Variants in MYLK3 observed in about 807,000 individuals in gnomAD.
MYLK3 encodes MLC kinase.
A neutral mutation model predicts 76.3 loss-of-function variants in MYLK3; 55 were observed. The observed-to-expected ratio is 0.72, with a 90% confidence interval of 0.58 to 0.90. MYLK3 has a LOEUF of 0.90. MYLK3 is among the 40% of genes least tolerant of loss of function. The probability of loss-of-function intolerance (pLI) is 0.00; values close to 1 mark genes in which losing one functional copy is unlikely to be tolerated. For synonymous variants in MYLK3, 416 were observed against 425.4 expected, an observed-to-expected ratio of 0.98 and a Z score of 0.27; for missense variants, 973 against 1,053.6, an observed-to-expected ratio of 0.92 and a Z score of 1.06.
intron 8 of MYLK3, among the ~76,000 whole-genome samples, chr16:46,724,846 A>C (rs1380894496): frequency 3.3e-5 from 5 of 152,196 alleles, no homozygotes; most frequent in Non-Finnish European, 7.3e-5. Context: ...TATGACTTTG[A>C]TAAGGATTAT....
chr16:46,717,783 A>C (rs922881875), intron 9 of MYLK3, among the ~76,000 whole-genome samples: 10 of 152,204 alleles, frequency 6.6e-5, no homozygotes, highest in Non-Finnish European at 1.2e-4. Flanking sequence ...GCTGGTGCTG[A>C]AGCATTTGCC....
chr16:46,727,061 G>T lies in MYLK3; in HGVS notation c.1914+175C>A. 4.0e-6 allele frequency: 2 copies of T among 497,916 alleles called. 1 individual carries two copies. The highest frequency in any genetic ancestry group is 1.0e-4 in the South Asian group (2 of 19,778). The allele number at this position is 497,916 out of a possible 1,614,324, so 30.8% of individuals were successfully genotyped here. ...AAGAGGTACCATTATCCAGATGGAA[G>T]AACTACAGCCCCAAGAGGCAGCAAG... On this transcript the variant is annotated intron_variant, in intron 8 of 12. Coordinates refer to ENST00000394809, the MANE Select transcript of MYLK3 (RefSeq NM_182493.3).
At chr16:46,743,480 C>T (rs1217999001) in intron 1 of MYLK3, among the ~76,000 whole-genome samples, 1 of 152,174 alleles carries the variant, frequency 6.6e-6, no homozygotes, top group Non-Finnish European at 1.5e-5. Context: ...CCTCAGAACA[C>T]GGAGGGAAGC....
intron 9 of MYLK3, among the ~76,000 whole-genome samples, chr16:46,718,132 T>C (rs980793265): frequency 1.3e-5 from 2 of 152,170 alleles, no homozygotes; most frequent in African/African-American, 4.8e-5. Context: ...GTATTAAATT[T>C]CATGGCATAG....
rs1362849835 is a variant in MYLK3 at position 46,747,657 on chromosome 16, C to T, written c.477+60G>A. ...AGCTCTCCAAACACTGGCTGCCTGG[C>T]CAGTCTCCCACCAGGGCCGGGGCCT... On this transcript the variant is annotated intron_variant, in intron 1 of 12. Coordinates refer to ENST00000394809, the MANE Select transcript of MYLK3 (RefSeq NM_182493.3). The T allele has an allele frequency of 2.0e-6, 3 of 1,516,698 alleles. No individual in the cohort carries two copies. In the South Asian group the frequency reaches 3.7e-5, roughly 19 times the overall value. 94.0% of individuals were successfully genotyped at this position (1,516,698 alleles called of 1,614,324 possible). A position where few individuals can be genotyped will look rare whatever the true frequency, so the allele number is the denominator to read the frequency against.
Position 46,747,920 on chromosome 16 carries a change from C to G in MYLK3, c.274G>C (p.Glu92Gln). Residue 92 changes from glutamate to glutamine, a missense_variant, in exon 1 of 13, where the codon GAG (glutamate) becomes CAG (glutamine). By Grantham distance (29) the Glu-to-Gln change is conservative (BLOSUM62 2). Transcript: ENST00000394809. ...PHIDTQAGWPEVLELVRAMQQ... is the reference protein window; with the variant it reads ...PHIDTQAGWPQVLELVRAMQQ... ...ATGGCCCTCACCAGCTCCAGGACCT[C>G]GGGCCACCCAGCCTGGGTGTCAATG... The G allele has an allele frequency of 6.2e-7, 1 of 1,613,712 alleles. No individual in the cohort carries two copies. Among genetic ancestry groups the G allele is most frequent in the Non-Finnish European group, 8.5e-7 (1 of 1,179,892 alleles).
Position 46,709,633 on chromosome 16 carries a change from C to T in MYLK3, c.2306G>A (p.Trp769Ter). Residue 769 changes from tryptophan to a stop codon, truncating the protein, a stop_gained, in exon 12 of 13, where the codon TGG (tryptophan) becomes TAG (stop). Transcript: ENST00000394809. LOFTEE classifies it high-confidence loss of function. ...AGCTTTGGCAGGCAAATTATTCAGCCACTCGTGTTTCAGGCACTGTGTGGC... is the reference window on the plus strand; with the variant it reads ...AGCTTTGGCAGGCAAATTATTCAGCTACTCGTGTTTCAGGCACTGTGTGGC... ...MSATQCLKHEWLNNLPAKASR... is the reference protein window; with the variant it reads ...MSATQCLKHE The T allele has an allele frequency of 6.2e-7, 1 of 1,614,136 alleles. No homozygotes were observed.
chr16:46,737,642 A>G, intron 3 of MYLK3, 69 bp downstream of exon 3: 1 of 1,448,766 alleles, frequency 6.9e-7, no homozygotes, highest in Non-Finnish European at 9.4e-7. Context: ...GATGCTGCCC[A>G]CGGCCGAGCT....
intron 1 of MYLK3, among the ~76,000 whole-genome samples, chr16:46,761,082 G>A (rs1255474079): frequency 6.6e-6 from 1 of 152,134 alleles, no homozygotes; most frequent in Non-Finnish European, 1.5e-5. Context: ...AAATTAGGGA[G>A]GACTTCTTGG....
At position 46,721,118 on chromosome 16, in the gene MYLK3, C is replaced by G. The variant is rs755823895; in HGVS notation, c.1985+5G>C. 7.1e-5 allele frequency: 114 copies of G among 1,613,742 alleles called. No homozygotes were observed. Among genetic ancestry groups the G allele is most frequent in the Non-Finnish European group, 9.5e-5 (112 of 1,179,720 alleles). On this transcript the variant is annotated splice_donor_5th_base_variant and intron_variant, in intron 9 of 12. Transcript: ENST00000394809. ...TGTTAAGGTATCTAAATAAAACCCCCTTACCTTCTGGCCAGCCCAAAGTCA... is the reference window on the plus strand; with the variant it reads ...TGTTAAGGTATCTAAATAAAACCCCGTTACCTTCTGGCCAGCCCAAAGTCA...
chr16:46,736,351 T>C (rs1382250670), intron 3 of MYLK3, among the ~76,000 whole-genome samples: 1 of 152,204 alleles, frequency 6.6e-6, no homozygotes, highest in Non-Finnish European at 1.5e-5. Flanking sequence ...TCAGAGCTGA[T>C]ACTTGACTTC....
intron 9 of MYLK3, among the ~76,000 whole-genome samples, chr16:46,713,808 A>G (rs2143012862): frequency 6.6e-6 from 1 of 152,182 alleles, no homozygotes; most frequent in East Asian, 1.9e-4. Context: ...TAGATTCCAC[A>G]CCTAAGTGAG....
At chr16:46,716,630 T>C (rs1182399191) in intron 9 of MYLK3, among the ~76,000 whole-genome samples, 1 of 151,968 alleles carries the variant, frequency 6.6e-6, no homozygotes, top group Non-Finnish European at 1.5e-5. Context: ...CCTTCTCCAG[T>C]CCTTCTTTCA....
At chr16:46,763,059 C>T in exon 1 of MYLK3, 1 of 985,422 alleles carries the variant, frequency 1.0e-6, no homozygotes, top group Non-Finnish European at 1.2e-6. Flanking sequence ...TCCATGGGTC[C>T]CAAGGGATCT....
intron 7 of MYLK3, 139 bp from the exon 8 acceptor site, chr16:46,727,516 G>T: frequency 1.1e-6 from 1 of 930,382 alleles, no homozygotes; most frequent in Non-Finnish European, 1.5e-6. Context: ...TGCTGCCACT[G>T]CCCTTGGGTT....
At chr16:46,710,491 A>G (rs1966671224) in intron 11 of MYLK3, 146 bp downstream of exon 11, 1 of 858,270 alleles carries the variant, frequency 1.2e-6, no homozygotes, top group Admixed American at 2.6e-5. Flanking sequence ...TGTTCCCTTT[A>G]TTTTTCCAAA....
chr16:46,743,785 A>T (rs1041672583), intron 1 of MYLK3, among the ~76,000 whole-genome samples: 3 of 152,216 alleles, frequency 2.0e-5, no homozygotes, highest in Non-Finnish European at 2.9e-5. Context: ...AATAGGAAAG[A>T]GGGGGAAAAG....
upstream of MYLK3, among the ~76,000 whole-genome samples, chr16:46,751,019 A>C (rs1300428297): frequency 2.0e-5 from 3 of 151,954 alleles, no homozygotes; most frequent in Non-Finnish European, 4.4e-5. Flanking sequence ...AATAATAAAT[A>C]AAACAAATAA....
chr16:46,711,989 ATTT>A (rs35047277), intron 10 of MYLK3, among the ~76,000 whole-genome samples: 34 of 116,338 alleles, frequency 2.9e-4, no homozygotes, highest in Non-Finnish European at 3.2e-4. Flanking sequence ...TCAAGCCATA[ATTT>A]TTTTTTTTTT....
Sources: gnomAD v4.1 joint callset for allele counts (sites outside exome capture counted in the v4.1 genomes callset) on GRCh38, gnomAD v4.1.1 for gene constraint, MANE v1.5 for transcripts, NCBI Gene and HGNC (gene_info 2026-07-23, HGNC 2026-07-21) for gene names.